GLCE: variants seen among roughly 807,000 people sequenced by gnomAD.
GLCE encodes D-glucuronyl C5-epimerase.
GLCE carries 19 observed loss-of-function variants against 47.9 expected under a neutral mutation model. That is an observed-to-expected ratio of 0.40 (90% confidence interval 0.28 to 0.58). The LOEUF (loss-of-function observed/expected upper bound fraction) is 0.58, where lower values mean the gene tolerates loss of function less well. GLCE is among the 20% of genes least tolerant of loss of function. The pLI is 0.48. For synonymous variants in GLCE, 245 were observed against 263.4 expected (o/e 0.93, Z 0.68); for missense variants, 556 against 743.3 (o/e 0.75, Z 2.93).
At chr15:69,221,117 T>C (rs2140389287) in intron 2 of GLCE, among the ~76,000 whole-genome samples, 1 of 152,334 alleles carries the variant, frequency 6.6e-6, no homozygotes, top group Non-Finnish European at 1.5e-5. Flanking sequence ...ATTCCATTGA[T>C]CTATATGTCT....
chr15:69,256,383 G>A lies in GLCE; in HGVS notation c.577G>A (p.Gly193Arg). ...EVRDRVKCIS[G>R]VEGVPLSTQW... is the part of the protein sequence containing the mutation. ...CCGAGACAGAGTCAAGTGCATAAGT[G>A]GGGTTGAAGGTTGGTATCTGTCTGC... Residue 193 changes from glycine (G) to arginine (R), a missense_variant, in exon 3 of 5, where the codon GGG becomes AGG. Coordinates refer to ENST00000261858, the MANE Select transcript of GLCE (RefSeq NM_015554.3). 6.2e-7 allele frequency: 1 copy of A among 1,606,044 alleles called. No individual in the cohort carries two copies. The highest frequency in any genetic ancestry group is 8.5e-7 in the Non-Finnish European group (1 of 1,175,106).
intron 2 of GLCE, among the ~76,000 whole-genome samples, chr15:69,239,512 T>C (rs923466547): frequency 6.6e-6 from 1 of 152,170 alleles, no homozygotes; most frequent in Non-Finnish European, 1.5e-5. Context: ...TCCTCACAGG[T>C]ACAGATAGCA....
At chr15:69,191,617 C>G (rs1452374896) in intron 1 of GLCE, among the ~76,000 whole-genome samples, 1 of 152,136 alleles carries the variant, frequency 6.6e-6, no homozygotes, top group East Asian at 1.9e-4. Context: ...GGGAGCTGGT[C>G]AGGTAAGCGT....
intron 2 of GLCE, among the ~76,000 whole-genome samples, chr15:69,239,908 A>C (rs2052643324): frequency 6.6e-6 from 1 of 152,206 alleles, no homozygotes. Context: ...TACATTAAGA[A>C]GGTCTGATAG....
intron 1 of GLCE, among the ~76,000 whole-genome samples, chr15:69,172,156 A>G (rs962424083): frequency 2.6e-5 from 4 of 152,118 alleles, no homozygotes; most frequent in African/African-American, 9.7e-5. Context: ...TTTTTTGAAG[A>G]CCTATTATGT....
At chr15:69,174,938 C>A (rs1689611050) in intron 1 of GLCE, among the ~76,000 whole-genome samples, 1 of 151,934 alleles carries the variant, frequency 6.6e-6, no homozygotes, top group African/African-American at 2.4e-5. Context: ...AGTACTATAT[C>A]CTATACTGTT....
intron 1 of GLCE, among the ~76,000 whole-genome samples, chr15:69,186,497 C>T (rs1406745313): frequency 1.3e-5 from 2 of 152,068 alleles, no homozygotes; most frequent in Non-Finnish European, 2.9e-5. Context: ...TTTAAATTGC[C>T]TGAATTATTA....
At chr15:69,170,963 T>C (rs2051580166) in intron 1 of GLCE, among the ~76,000 whole-genome samples, 1 of 152,162 alleles carries the variant, frequency 6.6e-6, no homozygotes, top group South Asian at 2.1e-4. Context: ...TAGGAAAACA[T>C]TTAGGGGAAA....
intron 2 of GLCE, among the ~76,000 whole-genome samples, chr15:69,212,678 A>C (rs1369513309): frequency 6.6e-6 from 1 of 152,072 alleles, no homozygotes; most frequent in African/African-American, 2.4e-5. Flanking sequence ...TCAGCTTTTT[A>C]ACTTTGTAAA....
intron 1 of GLCE, among the ~76,000 whole-genome samples, chr15:69,161,831 G>C (rs769554428): frequency 6.6e-6 from 1 of 152,178 alleles, no homozygotes; most frequent in Non-Finnish European, 1.5e-5. Context: ...TTGGTCTGCA[G>C]GTTCTTTAGG....
intron 2 of GLCE, among the ~76,000 whole-genome samples, chr15:69,218,383 G>T (rs995778667): frequency 2.6e-5 from 4 of 151,812 alleles, no homozygotes; most frequent in African/African-American, 9.7e-5. Context: ...GTGTAGTGGT[G>T]CATGCCTATA....
intron 2 of GLCE, among the ~76,000 whole-genome samples, chr15:69,244,105 T>G (rs556095974): frequency 6.6e-6 from 1 of 152,348 alleles, no homozygotes; most frequent in South Asian, 2.1e-4. Flanking sequence ...TACCAGAATA[T>G]CATAATAATT....
chr15:69,181,559 TC>T (rs1218253164), intron 1 of GLCE, among the ~76,000 whole-genome samples: 1 of 152,212 alleles, frequency 6.6e-6, no homozygotes, highest in Admixed American at 6.5e-5. Flanking sequence ...TGCTCATAGT[TC>T]CAGTAAAGAG....
chr15:69,269,090 T>G lies in GLCE; in HGVS notation c.1700T>G (p.Leu567Arg), dbSNP rs758134548. 1 of 1,614,188 alleles carries G rather than the reference T, an allele frequency of 6.2e-7. No individual in the cohort carries two copies. The highest frequency in any genetic ancestry group is 8.5e-7 in the Non-Finnish European group (1 of 1,180,042). The change falls in exon 5 of 5, where the codon CTT becomes CGT. Residue 567 changes from leucine (L) to arginine (R), a missense_variant. By Grantham distance (102) the Leu-to-Arg change is moderately radical. Around this residue, in one of 3 missense-constraint regions of GLCE, gnomAD observed 245 missense variants for 368.1 expected, o/e 0.67. Coordinates refer to ENST00000261858, the MANE Select transcript of GLCE (RefSeq NM_015554.3). ...GTIYDLRHFM[L>R]GIAPNLARWD... ...ATCTATGACCTCCGTCACTTCATGC[T>G]TGGCATCGCTCCTAACCTGGCTCGC...
intron 1 of GLCE, among the ~76,000 whole-genome samples, chr15:69,203,737 C>G (rs927183658): frequency 6.6e-6 from 1 of 151,976 alleles, no homozygotes; most frequent in South Asian, 2.1e-4. Context: ...AAAAACTGTT[C>G]CTTATAGAGG....
intron 1 of GLCE, among the ~76,000 whole-genome samples, chr15:69,204,277 C>CT (rs57376738): frequency 0.014 from 1,224 of 88,254 alleles, 6 homozygotes; most frequent in African/African-American, 0.02. Flanking sequence ...GATTGTTTTA[C>CT]TTTTTTTTTT....
intron 2 of GLCE, among the ~76,000 whole-genome samples, chr15:69,235,310 G>T (rs928353395): frequency 2.6e-5 from 4 of 151,848 alleles, no homozygotes; most frequent in Non-Finnish European, 5.9e-5. Flanking sequence ...GTTTCGCCAT[G>T]TTGGCCAGGC....
At chr15:69,172,143 AT>A (rs990689771) in intron 1 of GLCE, among the ~76,000 whole-genome samples, 1 of 152,066 alleles carries the variant, frequency 6.6e-6, no homozygotes, top group Non-Finnish European at 1.5e-5. Flanking sequence ...TCAATTAACC[AT>A]TTTTTTTGAA....
Position 69,250,215 on chromosome 15 carries a change from G to T in GLCE, c.-13-5579G>T, listed in dbSNP as rs74643695. Among the ~76,000 whole-genome samples the T allele has an allele frequency of 1.0e-2, 1,518 of 152,182 alleles. 22 individuals are homozygous for T. Among genetic ancestry groups the T allele is most frequent in the African/African-American group, 0.032 (1,341 of 41,524 alleles). ...ATCATTTATACCTAGCAGAATGTCA[G>T]TGCAATCTACTTCTTGAAATTTCAG... On this transcript the variant is annotated intron_variant, in intron 2 of 4. Transcript: ENST00000261858.
Sources: gnomAD v4.1 joint callset for allele counts (sites outside exome capture counted in the v4.1 genomes callset) on GRCh38, gnomAD v4.1.1 for gene constraint, gnomAD v4.1.1 regional missense constraint, MANE v1.5 for transcripts, NCBI Gene and HGNC (gene_info 2026-07-23, HGNC 2026-07-21) for gene names.